The following IPCEF1 variants were observed in gnomAD, a reference collection of about 807,000 sequenced individuals.
IPCEF1 encodes the protein interactor protein for cytohesin exchange factors 1.
IPCEF1 carries 31 observed loss-of-function variants against 50.9 expected under a neutral mutation model. That is an observed-to-expected ratio of 0.61 (90% CI 0.46 to 0.82). IPCEF1 has a LOEUF of 0.82. Among genes scored for constraint, IPCEF1 ranks in the 40% least tolerant of loss-of-function variants. The probability of loss-of-function intolerance (pLI) is 0.00; values close to 1 mark genes in which losing one functional copy is unlikely to be tolerated. For missense variants in IPCEF1, 458 were observed against 514.0 expected, an observed-to-expected ratio of 0.89 and a Z score of 1.05; for synonymous variants, 181 against 192.0, an observed-to-expected ratio of 0.94 and a Z score of 0.47.
chr6:154,341,971 C>T (rs574650018), intron 1 of IPCEF1, among the ~76,000 whole-genome samples: 3 of 152,264 alleles, frequency 2.0e-5, no homozygotes, highest in Non-Finnish European at 4.4e-5. Flanking sequence ...CTCCCAAACC[C>T]CTTATGTCAA....
intron 1 of IPCEF1, among the ~76,000 whole-genome samples, chr6:154,312,536 C>G (rs1041740754): frequency 6.6e-6 from 1 of 151,864 alleles, no homozygotes; most frequent in African/African-American, 2.4e-5. Context: ...TTAGTAGAGA[C>G]GGGGTTTCAC....
chr6:154,195,059 T>C (rs186451893), intron 10 of IPCEF1, among the ~76,000 whole-genome samples: 12 of 152,232 alleles, frequency 7.9e-5, no homozygotes, highest in African/African-American at 2.2e-4. Context: ...TCAGCTGTTA[T>C]GCAGGCTCCC....
chr6:154,177,563 G>A (rs1237352322), intron 10 of IPCEF1, among the ~76,000 whole-genome samples: 2 of 152,236 alleles, frequency 1.3e-5, no homozygotes, highest in Admixed American at 6.5e-5. Context: ...GGTCATCAGA[G>A]AAATGCAAAT....
intron 1 of IPCEF1, among the ~76,000 whole-genome samples, chr6:154,307,686 G>A (rs1782970811): frequency 6.6e-6 from 1 of 152,110 alleles, no homozygotes; most frequent in Admixed American, 6.5e-5. Flanking sequence ...ACAAATACTA[G>A]ACAATTTATT....
At chr6:154,215,450 T>C (rs971569982) in intron 7 of IPCEF1, among the ~76,000 whole-genome samples, 1 of 151,644 alleles carries the variant, frequency 6.6e-6, no homozygotes, top group Non-Finnish European at 1.5e-5. Flanking sequence ...CTTAAAAAAA[T>C]ACAAAATTAG....
intron 1 of IPCEF1, among the ~76,000 whole-genome samples, chr6:154,352,450 T>C (rs1458666216): frequency 6.6e-6 from 1 of 152,194 alleles, no homozygotes; most frequent in Non-Finnish European, 1.5e-5. Context: ...TATTCAGACT[T>C]CTTTTGAAAG....
At position 154,343,530 on chromosome 6, in the gene IPCEF1, T is replaced by C. The variant is rs538384691; in HGVS notation, c.-62+13142A>G. On this transcript the variant is annotated intron_variant, in intron 1 of 11. Transcript: ENST00000367220. ...CCTGGGAAAGCTTTTCCTCCCCAAG[T>C]CGCCTCACTTCCCACCATTTCTCCA... is the stretch of plus-strand genomic sequence containing the variant. Among the ~76,000 whole-genome samples, 33 of 152,180 alleles carry C rather than the reference T, an allele frequency of 2.2e-4. No homozygotes were observed. In the South Asian group the frequency reaches 2.9e-3, roughly 13 times the overall value.
intron 7 of IPCEF1, among the ~76,000 whole-genome samples, chr6:154,218,769 C>A (rs927111714): frequency 6.6e-6 from 1 of 152,160 alleles, no homozygotes; most frequent in Non-Finnish European, 1.5e-5. Flanking sequence ...CAGGCCCAGA[C>A]AAAATGGACC....
chr6:154,202,139 G>A (rs1777120959), intron 9 of IPCEF1, among the ~76,000 whole-genome samples: 1 of 152,138 alleles, frequency 6.6e-6, no homozygotes, highest in African/African-American at 2.4e-5. Flanking sequence ...GCTAGACACG[G>A]ATTGTCAGAT....
chr6:154,201,027 T>C (rs1030027550), intron 9 of IPCEF1, among the ~76,000 whole-genome samples: 3 of 152,154 alleles, frequency 2.0e-5, no homozygotes, highest in African/African-American at 7.2e-5. Flanking sequence ...TGAGATCTGA[T>C]AGTTTAAAAG....
chr6:154,281,836 C>G (rs913999054), intron 2 of IPCEF1, among the ~76,000 whole-genome samples: 18 of 152,152 alleles, frequency 1.2e-4, no homozygotes, highest in African/African-American at 4.3e-4. Context: ...AACCACGTCT[C>G]TACTAAAAAT....
intron 6 of IPCEF1, chr6:154,222,819 G>T (rs1778971497): frequency 3.8e-6 from 1 of 263,334 alleles, no homozygotes; most frequent in Non-Finnish European, 7.5e-6. Flanking sequence ...TGCAACTCGG[G>T]TGAGTCCTAT....
At position 154,312,286 on chromosome 6, in the gene IPCEF1, T is replaced by A. The variant is rs79786126; in HGVS notation, c.-61-22530A>T. ...AAGTCAAACCTAGAGAAACAGGGAGTATAATGGTGGTTGTCAGGGGCTGGT... is the reference window on the plus strand; with the variant it reads ...AAGTCAAACCTAGAGAAACAGGGAGAATAATGGTGGTTGTCAGGGGCTGGT... On this transcript the variant is annotated intron_variant, in intron 1 of 11. Transcript: ENST00000367220. Among the ~76,000 whole-genome samples the A allele has an allele frequency of 9.8e-3, 1,484 of 151,862 alleles. 19 individuals carry two copies. Among genetic ancestry groups the A allele is most frequent in the African/African-American group, 0.034 (1,400 of 41,406 alleles).
intron 2 of IPCEF1, among the ~76,000 whole-genome samples, chr6:154,272,865 G>A (rs1395077671): frequency 6.6e-6 from 1 of 152,036 alleles, no homozygotes; most frequent in East Asian, 1.9e-4. Flanking sequence ...AGCATAATCA[G>A]TATTTTTTTT....
chr6:154,337,971 G>A (rs1170641441), intron 1 of IPCEF1, among the ~76,000 whole-genome samples: 1 of 152,190 alleles, frequency 6.6e-6, no homozygotes, highest in East Asian at 1.9e-4. Context: ...TGGCTCAGAA[G>A]AGTTAAGTGG....
intron 2 of IPCEF1, among the ~76,000 whole-genome samples, chr6:154,269,122 C>T (rs1208117724): frequency 1.3e-5 from 2 of 152,052 alleles, no homozygotes; most frequent in Non-Finnish European, 2.9e-5. Context: ...CAGGGTGGTT[C>T]AATATATATT....
intron 10 of IPCEF1, among the ~76,000 whole-genome samples, chr6:154,185,854 C>A (rs1458620134): frequency 1.3e-5 from 2 of 152,228 alleles, no homozygotes; most frequent in Admixed American, 1.3e-4. Flanking sequence ...TCAAAGCTGT[C>A]CTGAGCCACA....
chr6:154,320,107 T>A (rs1300039056), intron 1 of IPCEF1, among the ~76,000 whole-genome samples: 2 of 152,210 alleles, frequency 1.3e-5, no homozygotes, highest in Admixed American at 1.3e-4. Flanking sequence ...CAAAACTGTT[T>A]CCTCATTTTT....
chr6:154,199,234 G>T (rs1342708900), intron 10 of IPCEF1, among the ~76,000 whole-genome samples: 1 of 152,222 alleles, frequency 6.6e-6, no homozygotes, highest in East Asian at 1.9e-4. Flanking sequence ...CTAAGAATTA[G>T]ATACTGTCTG....
Sources: gnomAD v4.1 joint callset for allele counts (sites outside exome capture counted in the v4.1 genomes callset) on GRCh38, gnomAD v4.1.1 for gene constraint, MANE v1.5 for transcripts, NCBI Gene and HGNC (gene_info 2026-07-23, HGNC 2026-07-21) for gene names.